XKR9: variants seen among roughly 807,000 people sequenced by gnomAD.
The protein encoded by XKR9 is XK-related protein 9.
XKR9 carries 32 observed loss-of-function variants against 32.0 expected under a neutral mutation model. That is an observed-to-expected ratio of 1.00 (90% CI 0.76 to 1.34). The LOEUF (loss-of-function observed/expected upper bound fraction) is 1.34. Ranked by LOEUF, XKR9 falls within the 40% of genes most tolerant of loss-of-function variation. The pLI, the probability that XKR9 is intolerant of heterozygous loss-of-function variation, is 0.00. For missense variants in XKR9, 546 were observed against 429.7 expected, an observed-to-expected ratio of 1.27 and a Z score of -2.39; for synonymous variants, 168 against 143.4, an observed-to-expected ratio of 1.17 and a Z score of -1.22.
the XKR9 span, among the ~76,000 whole-genome samples, chr8:70,816,069 G>A: frequency 0.014 from 2,066 of 152,126 alleles, 60 homozygotes; most frequent in African/African-American, 0.047. Flanking sequence ...GCAATGAGCC[G>A]AGCTTGTGCC....
chr8:71,020,346 A>G, the XKR9 span, among the ~76,000 whole-genome samples: 1 of 152,224 alleles, frequency 6.6e-6, no homozygotes, highest in Non-Finnish European at 1.5e-5. Flanking sequence ...TATCTCTAAC[A>G]TCAAGTAGCT....
At chr8:70,940,640 C>A in the XKR9 span, among the ~76,000 whole-genome samples, 3 of 152,160 alleles carry the variant, frequency 2.0e-5, no homozygotes, top group East Asian at 5.8e-4. Flanking sequence ...CTCTCAGCAT[C>A]TATTATAGTT....
the XKR9 span, among the ~76,000 whole-genome samples, chr8:70,982,637 G>A: frequency 4.6e-5 from 7 of 152,130 alleles, no homozygotes; most frequent in South Asian, 6.2e-4. Flanking sequence ...AAAGCAAGCC[G>A]ACTCAAAGGT....
the XKR9 span, among the ~76,000 whole-genome samples, chr8:71,043,182 C>G: frequency 1.3e-5 from 2 of 152,112 alleles, no homozygotes; most frequent in Admixed American, 6.5e-5. Flanking sequence ...CCCCCAGTGC[C>G]CTGACACTCT....
At chr8:70,709,675 A>G (rs1805842871) in intron 4 of XKR9, among the ~76,000 whole-genome samples, 1 of 152,190 alleles carries the variant, frequency 6.6e-6, no homozygotes, top group African/African-American at 2.4e-5. Context: ...TGAGAGCCAA[A>G]TCAAGAATGC....
At chr8:70,991,330 CG>C in the XKR9 span, among the ~76,000 whole-genome samples, 1 of 152,072 alleles carries the variant, frequency 6.6e-6, no homozygotes, top group African/African-American at 2.4e-5. Flanking sequence ...TTGAATCCAT[CG>C]ATTTGTATAT....
intron 4 of XKR9, among the ~76,000 whole-genome samples, chr8:70,707,747 T>C (rs1415660211): frequency 6.6e-6 from 1 of 152,004 alleles, no homozygotes; most frequent in African/African-American, 2.4e-5. Flanking sequence ...GCTAAAAAAC[T>C]AATGAATGTT....
chr8:71,018,049 C>T, the XKR9 span, among the ~76,000 whole-genome samples: 3 of 152,078 alleles, frequency 2.0e-5, no homozygotes, highest in Admixed American at 6.5e-5. Flanking sequence ...TCCTCTGACT[C>T]TTATATTTTG....
At chr8:70,785,323 C>G (rs6986479) in intron 2 of XKR9, among the ~76,000 whole-genome samples, 48,421 of 151,682 alleles carry the variant, frequency 0.32, 9,103 homozygotes, top group Non-Finnish European at 0.43. Flanking sequence ...CTCCTATGAT[C>G]GTTTTTATTT....
intron 4 of XKR9, among the ~76,000 whole-genome samples, chr8:70,711,912 G>T (rs2132191526): frequency 7.1e-6 from 1 of 140,270 alleles, no homozygotes; most frequent in Middle Eastern, 3.6e-3. Flanking sequence ...GAAATTATTT[G>T]TATACCTAAC....
At chr8:70,962,234 A>G in the XKR9 span, among the ~76,000 whole-genome samples, 2 of 152,082 alleles carry the variant, frequency 1.3e-5, no homozygotes, top group Non-Finnish European at 2.9e-5. Flanking sequence ...ATTTTAACCT[A>G]TATTTTAGAT....
chr8:70,804,536 C>A, the XKR9 span, among the ~76,000 whole-genome samples: 3 of 152,088 alleles, frequency 2.0e-5, no homozygotes, highest in African/African-American at 7.2e-5. Flanking sequence ...ACTGTTACAT[C>A]ACTGTTATTA....
the XKR9 span, among the ~76,000 whole-genome samples, chr8:70,977,825 G>C: frequency 6.6e-6 from 1 of 152,154 alleles, no homozygotes; most frequent in Non-Finnish European, 1.5e-5. Context: ...GTCTAATATT[G>C]ACAGTGGGTT....
At chr8:71,032,994 G>T in the XKR9 span, among the ~76,000 whole-genome samples, 1 of 151,448 alleles carries the variant, frequency 6.6e-6, no homozygotes, top group Non-Finnish European at 1.5e-5. Flanking sequence ...TGAGGCAGGA[G>T]AATCGCTTGA....
At chr8:70,770,377 C>T (rs1042477731) in intron 2 of XKR9, among the ~76,000 whole-genome samples, 4 of 152,270 alleles carry the variant, frequency 2.6e-5, no homozygotes, top group East Asian at 1.9e-4. Context: ...AGGTGTCTGT[C>T]GACCCCTGCT....
At chr8:70,895,457 G>C in the XKR9 span, among the ~76,000 whole-genome samples, 1 of 152,032 alleles carries the variant, frequency 6.6e-6, no homozygotes, top group Non-Finnish European at 1.5e-5. Flanking sequence ...GGCTATTCTA[G>C]TTCCTTTGCC....
the XKR9 span, among the ~76,000 whole-genome samples, chr8:70,924,070 A>G: frequency 6.6e-6 from 1 of 152,202 alleles, no homozygotes. Context: ...TTCATTGCTA[A>G]TTCCCGGGGA....
chr8:70,744,422 T>C (rs949549598), intron 2 of XKR9, among the ~76,000 whole-genome samples: 1 of 152,134 alleles, frequency 6.6e-6, no homozygotes, highest in Non-Finnish European at 1.5e-5. Flanking sequence ...GCAATATAGA[T>C]ATTATTATCA....
At chr8:70,823,986 G>A in the XKR9 span, among the ~76,000 whole-genome samples, 1 of 152,152 alleles carries the variant, frequency 6.6e-6, no homozygotes, top group African/African-American at 2.4e-5. Flanking sequence ...AGAATTTCTT[G>A]TGTTGGGGTT....
Sources: gnomAD v4.1 joint callset for allele counts (sites outside exome capture counted in the v4.1 genomes callset) on GRCh38, gnomAD v4.1.1 for gene constraint, MANE v1.5 for transcripts, NCBI Gene and HGNC (gene_info 2026-07-23, HGNC 2026-07-21) for gene names.